Variants in TMEM132C observed in about 807,000 individuals in gnomAD.
TMEM132C encodes the protein protein phosphatase 1, regulatory subunit 152.
A neutral mutation model predicts 61.4 loss-of-function variants in TMEM132C; 29 were observed. The observed-to-expected ratio is 0.47, with a 90% CI of 0.35 to 0.64. TMEM132C has a LOEUF of 0.64. Among genes scored for constraint, TMEM132C ranks in the 30% least tolerant of loss-of-function variants. The probability of loss-of-function intolerance (pLI) is 0.00; values close to 1 mark genes in which losing one functional copy is unlikely to be tolerated. For missense variants in TMEM132C, 1,408 were observed against 1,476.9 expected (o/e 0.95, Z 0.76); for synonymous variants, 656 against 633.1 (o/e 1.04, Z -0.54).
At chr12:128,313,177 C>T (rs948993260) in intron 1 of TMEM132C, among the ~76,000 whole-genome samples, 3 of 152,246 alleles carry the variant, frequency 2.0e-5, no homozygotes, top group African/African-American at 7.2e-5. Context: ...CTGGACTCAC[C>T]ATTATGAAGC....
chr12:128,430,795 G>A lies in TMEM132C; in HGVS notation c.974+15175G>A, dbSNP rs141185367. 6.4e-3 allele frequency among the ~76,000 whole-genome samples: 975 copies of A among 152,298 alleles called. 13 individuals are homozygous for A. Among genetic ancestry groups the A allele is most frequent in the African/African-American group, 0.022 (913 of 41,572 alleles). ...GTATTGTTTTGGGGCACCATGAACT[G>A]TGCCCATATAAGATGACAAATTTAA... On this transcript the variant is annotated intron_variant, in intron 2 of 8. Coordinates refer to ENST00000435159, the MANE Select transcript of TMEM132C (RefSeq NM_001136103.3).
chr12:128,399,895 AAC>A (rs1424521701), intron 1 of TMEM132C: 1 of 152,216 alleles, frequency 6.6e-6, no homozygotes, highest in Non-Finnish European at 1.5e-5. Flanking sequence ...GTTTTATTAG[AAC>A]ACAGAAAGAG....
chr12:128,321,341 C>T (rs1487480612), intron 1 of TMEM132C, among the ~76,000 whole-genome samples: 2 of 152,056 alleles, frequency 1.3e-5, no homozygotes, highest in African/African-American at 4.8e-5. Flanking sequence ...CTTGGAGGAA[C>T]CTCCAAGGAA....
chr12:128,614,058 C>T (rs1166287768), intron 3 of TMEM132C, among the ~76,000 whole-genome samples: 1 of 152,176 alleles, frequency 6.6e-6, no homozygotes, highest in African/African-American at 2.4e-5. Context: ...CTGGAGACAC[C>T]TCAGGCTGGA....
chr12:128,358,214 T>C (rs930682723), intron 1 of TMEM132C, among the ~76,000 whole-genome samples: 1 of 152,122 alleles, frequency 6.6e-6, no homozygotes, highest in Non-Finnish European at 1.5e-5. Flanking sequence ...AGGCTGTGGC[T>C]ACTCAGAAGA....
At chr12:128,292,725 A>ATAAGTGTCTGT (rs151182107) in intron 1 of TMEM132C, among the ~76,000 whole-genome samples, 1 of 152,000 alleles carries the variant, frequency 6.6e-6, no homozygotes, top group Non-Finnish European at 1.5e-5. Context: ...GAGGTACTTC[A>ATAAGTGTCTGT]TAAGTGTACT....
chr12:128,514,064 G>A (rs573938859), intron 2 of TMEM132C, among the ~76,000 whole-genome samples: 279 of 152,316 alleles, frequency 1.8e-3, no homozygotes, highest in African/African-American at 6.5e-3. Flanking sequence ...AGGGTAGTCA[G>A]AAATCCCAGC....
chr12:128,301,145 G>A (rs116096794), intron 1 of TMEM132C, among the ~76,000 whole-genome samples: 2,755 of 152,308 alleles, frequency 0.018, 79 homozygotes, highest in African/African-American at 0.061. Context: ...GAGGTGTGCT[G>A]TGGGAAGCAG....
At chr12:128,339,566 G>A (rs1593016572) in intron 1 of TMEM132C, among the ~76,000 whole-genome samples, 1 of 151,908 alleles carries the variant, frequency 6.6e-6, no homozygotes, top group East Asian at 1.9e-4. Context: ...TGGCTCTGGG[G>A]ACTGCTGTCT....
At chr12:128,269,249 C>A (rs1255433603) in intron 1 of TMEM132C, among the ~76,000 whole-genome samples, 1 of 152,104 alleles carries the variant, frequency 6.6e-6, no homozygotes, top group Non-Finnish European at 1.5e-5. Flanking sequence ...CCGACCTCCT[C>A]CGGGTTTTCA....
At chr12:128,465,641 C>G (rs1870706774) in intron 2 of TMEM132C, among the ~76,000 whole-genome samples, 2 of 152,230 alleles carry the variant, frequency 1.3e-5, no homozygotes. Flanking sequence ...CTGGGATTTC[C>G]TGTCTCATCC....
At chr12:128,676,347 A>G (rs972891630) in intron 5 of TMEM132C, among the ~76,000 whole-genome samples, 10 of 152,126 alleles carry the variant, frequency 6.6e-5, no homozygotes, top group East Asian at 1.9e-4. Context: ...AAGGATAACT[A>G]TACAAGTGAC....
chr12:128,698,689 T>A (rs1954782998), intron 8 of TMEM132C, among the ~76,000 whole-genome samples: 1 of 152,248 alleles, frequency 6.6e-6, no homozygotes, highest in South Asian at 2.1e-4. Flanking sequence ...GAGCCTTGGA[T>A]GCTCCATCAG....
At chr12:128,334,520 A>C (rs1001202085) in intron 1 of TMEM132C, among the ~76,000 whole-genome samples, 1 of 152,146 alleles carries the variant, frequency 6.6e-6, no homozygotes, top group Non-Finnish European at 1.5e-5. Context: ...AATCTTTTTT[A>C]TCTCTTAAAA....
chr12:128,600,494 C>T (rs1170232839), intron 3 of TMEM132C, among the ~76,000 whole-genome samples: 4 of 152,142 alleles, frequency 2.6e-5, no homozygotes, highest in Admixed American at 2.6e-4. Context: ...GACTCATACC[C>T]CTAATACAAA....
chr12:128,520,797 G>A (rs145525906), intron 2 of TMEM132C, among the ~76,000 whole-genome samples: 2 of 152,250 alleles, frequency 1.3e-5, no homozygotes, highest in African/African-American at 4.8e-5. Flanking sequence ...CAGACTAAGA[G>A]TTTTTAAGGA....
chr12:128,610,041 T>C (rs1416926524), intron 3 of TMEM132C, among the ~76,000 whole-genome samples: 1 of 152,238 alleles, frequency 6.6e-6, no homozygotes, highest in African/African-American at 2.4e-5. Context: ...CCAAGGGATG[T>C]GCCTCAGCAC....
chr12:128,315,631 G>T (rs1314400187), intron 1 of TMEM132C, among the ~76,000 whole-genome samples: 2 of 152,142 alleles, frequency 1.3e-5, no homozygotes, highest in Non-Finnish European at 2.9e-5. Context: ...GCACTGGATT[G>T]AATAGTGGCC....
intron 1 of TMEM132C, among the ~76,000 whole-genome samples, chr12:128,395,455 A>G (rs144759397): frequency 1.5e-4 from 23 of 152,292 alleles, no homozygotes; most frequent in African/African-American, 4.6e-4. Flanking sequence ...ATGCTTCTCT[A>G]CTTATGATGG....
Sources: gnomAD v4.1 joint callset for allele counts (sites outside exome capture counted in the v4.1 genomes callset) on GRCh38, gnomAD v4.1.1 for gene constraint, MANE v1.5 for transcripts, NCBI Gene and HGNC (gene_info 2026-07-23, HGNC 2026-07-21) for gene names.